CD163L1: variants seen among roughly 807,000 people sequenced by gnomAD.
CD163L1 encodes scavenger receptor cysteine-rich type 1 protein M160.
Under a neutral mutation model 165.4 loss-of-function variants are expected in CD163L1, and 124 were observed. The ratio of observed to expected loss-of-function variants is 0.75; its 90% CI spans 0.65 to 0.87. The LOEUF (loss-of-function observed/expected upper bound fraction) is 0.87, where lower values mean the gene tolerates loss of function less well. CD163L1 is among the 40% of genes least tolerant of loss of function. The pLI is 0.00. For missense variants in CD163L1, 1,525 were observed against 1,799.9 expected, an observed-to-expected ratio of 0.85 and a Z score of 2.76; for synonymous variants, 585 against 662.2, an observed-to-expected ratio of 0.88 and a Z score of 1.79.
intron 8 of CD163L1, among the ~76,000 whole-genome samples, chr12:7,386,461 T>TC (rs1245783420): frequency 6.6e-6 from 1 of 151,850 alleles, no homozygotes; most frequent in African/African-American, 2.4e-5. Flanking sequence ...TCTTCCTAAC[T>TC]CATCCTAGGA....
intron 19 of CD163L1, among the ~76,000 whole-genome samples, chr12:7,355,789 G>T (rs2136370920): frequency 6.6e-6 from 1 of 152,246 alleles, no homozygotes; most frequent in Middle Eastern, 3.4e-3. Context: ...CAGACCAAGG[G>T]ATGACCATCT....
chr12:7,318,897 G>A, the CD163L1 span, among the ~76,000 whole-genome samples: 7 of 152,170 alleles, frequency 4.6e-5, no homozygotes, highest in African/African-American at 1.7e-4. Context: ...ATGGTTTAAG[G>A]CAGCAGTCTG....
At chr12:7,381,183 C>G (rs1209776724) in intron 8 of CD163L1, among the ~76,000 whole-genome samples, 1 of 152,034 alleles carries the variant, frequency 6.6e-6, no homozygotes, top group Non-Finnish European at 1.5e-5. Context: ...TTATTAACTG[C>G]CTAATGTTGA....
At chr12:7,439,129 C>A in intron 2 of CD163L1, 1 of 1,572,474 alleles carries the variant, frequency 6.4e-7, no homozygotes, top group Admixed American at 2.1e-5. Context: ...TGTTTTGTTT[C>A]TCTTCTCTGC....
intron 1 of CD163L1, among the ~76,000 whole-genome samples, chr12:7,441,654 T>C (rs1400878253): frequency 2.6e-5 from 4 of 152,204 alleles, no homozygotes; most frequent in Admixed American, 2.0e-4. Flanking sequence ...TTTGCTCCTT[T>C]ATTGAGTATG....
Position 7,441,183 on chromosome 12 carries a change from A to G in CD163L1, c.95T>C (p.Leu32Pro). 6.2e-7 allele frequency: 1 copy of G among 1,614,086 alleles called. No homozygotes were observed. The highest frequency in any genetic ancestry group is 8.5e-7 in the Non-Finnish European group (1 of 1,179,950). The change falls in exon 2 of 20, where the codon CTG (leucine) becomes CCG (proline). Residue 32 changes from leucine to proline, a missense_variant. Physicochemically the swap from Leu to Pro is moderately conservative, Grantham distance 98. Transcript: ENST00000313599. ...FSAVVTCILL[L>P]NSCFLISSFN... ...ACTGCTGATGAGAAAGCAGGAATTC[A>G]GGAGCAGGATGCAAGTTACCACAGC...
At chr12:7,434,606 G>A (rs1009927024) in intron 2 of CD163L1, among the ~76,000 whole-genome samples, 5 of 151,798 alleles carry the variant, frequency 3.3e-5, no homozygotes, top group Non-Finnish European at 5.9e-5. Flanking sequence ...GGGTGTGTTA[G>A]TAAGAAGAGC....
chr12:7,434,706 A>AAG (rs10537937), intron 2 of CD163L1, among the ~76,000 whole-genome samples: 1 of 151,838 alleles, frequency 6.6e-6, no homozygotes, highest in African/African-American at 2.4e-5. Flanking sequence ...AAGAGACAGA[A>AAG]AGAGAGAGAG....
the CD163L1 span, among the ~76,000 whole-genome samples, chr12:7,334,760 A>G: frequency 1.3e-5 from 2 of 152,210 alleles, no homozygotes; most frequent in Admixed American, 1.3e-4. Context: ...TCAGCCCAAA[A>G]TCTCCTTAAG....
intron 4 of CD163L1, among the ~76,000 whole-genome samples, chr12:7,418,880 T>C (rs146006665): frequency 1.3e-5 from 2 of 152,046 alleles, no homozygotes; most frequent in East Asian, 3.9e-4. Flanking sequence ...ATTGAAATGG[T>C]AATTTTTAAA....
chr12:7,369,407 C>T lies in CD163L1; in HGVS notation c.3989G>A (p.Trp1330Ter). 15 of 1,614,134 alleles carry T rather than the reference C, an allele frequency of 9.3e-6. No individual in the cohort carries two copies. The highest frequency in any genetic ancestry group is 1.3e-5 in the Non-Finnish European group (15 of 1,180,008). The stretch of plus-strand genomic sequence containing the variant: ...CTTGTGTCCACAGTCACTCTGTCCC[C>T]AGGGTTTGGCGTGACAGTCCCATAG... Reference protein sequence around the residue: ...SFLWDCHAKPWGQSDCGHKED... With the variant: ...SFLWDCHAKP The change falls in exon 15 of 20, where the codon TGG becomes TAG. Residue 1330 changes from tryptophan to a stop codon, truncating the protein, a stop_gained. Transcript: ENST00000313599. LOFTEE classifies it high-confidence loss of function. This position sits in a 1 kb window ranked among gnomAD's most constrained non-coding sequence, Gnocchi z 4.9.
chr12:7,403,936 G>T, intron 5 of CD163L1, 81 bp from the exon 6 acceptor site: 1 of 1,075,734 alleles, frequency 9.3e-7, no homozygotes, highest in Non-Finnish European at 1.4e-6. Flanking sequence ...CCCCTCCAAT[G>T]TGAAGATTAG....
intron 8 of CD163L1, among the ~76,000 whole-genome samples, chr12:7,380,337 G>A (rs949846812): frequency 2.9e-5 from 4 of 139,102 alleles, no homozygotes; most frequent in South Asian, 2.5e-4. Context: ...ATGTATACAC[G>A]TATACATACA....
intron 4 of CD163L1, among the ~76,000 whole-genome samples, chr12:7,420,516 A>G (rs187697832): frequency 1.8e-3 from 267 of 152,200 alleles, no homozygotes; most frequent in Non-Finnish European, 3.1e-3. Context: ...AGCAAGAAAA[A>G]AAACAAACAA....
intron 4 of CD163L1, among the ~76,000 whole-genome samples, chr12:7,416,310 G>A (rs1403403187): frequency 6.6e-6 from 1 of 152,130 alleles, no homozygotes. Context: ...GTAGATTCTG[G>A]ATATTAGCCC....
At chr12:7,349,789 T>C (rs1308975402) in intron 4 of CD163L1, among the ~76,000 whole-genome samples, 1 of 152,206 alleles carries the variant, frequency 6.6e-6, no homozygotes, top group Non-Finnish European at 1.5e-5. Flanking sequence ...TACACTAAGC[T>C]GGGGGAAGAC....
chr12:7,426,511 G>A (rs1397942376), intron 4 of CD163L1, among the ~76,000 whole-genome samples: 1 of 151,950 alleles, frequency 6.6e-6, no homozygotes, highest in Non-Finnish European at 1.5e-5. Context: ...AGAAAGGGTG[G>A]GAGGTGGGTA....
At chr12:7,338,673 T>C in the CD163L1 span, among the ~76,000 whole-genome samples, 14 of 152,182 alleles carry the variant, frequency 9.2e-5, no homozygotes, top group East Asian at 1.9e-4. Flanking sequence ...TCTAGTGTTT[T>C]AGGCTCAATA....
downstream of CD163L1, among the ~76,000 whole-genome samples, chr12:7,341,688 GGGA>G (rs1342475815): frequency 1.3e-5 from 2 of 152,076 alleles, no homozygotes; most frequent in Non-Finnish European, 2.9e-5. Flanking sequence ...GAGGAGTTCT[GGGA>G]GGGAAGAAAA....
Sources: allele counts gnomAD v4.1 joint callset (sites outside exome capture counted in the v4.1 genomes callset), GRCh38; gene constraint gnomAD v4.1.1; non-coding constraint Gnocchi (gnomAD v3.1); transcripts MANE v1.5; gene names NCBI Gene and HGNC (gene_info 2026-07-23, HGNC 2026-07-21).